CSMD3: variants seen among roughly 807,000 people sequenced by gnomAD.
The protein encoded by CSMD3 is CUB and sushi domain-containing protein 3.
A neutral mutation model predicts 435.2 loss-of-function variants in CSMD3; 177 were observed. The observed-to-expected ratio is 0.41, with a 90% CI of 0.36 to 0.46. The LOEUF is 0.46. CSMD3 is among the 20% of genes least tolerant of loss of function. CSMD3 has a pLI of 0.34. For missense variants in CSMD3, 4,265 were observed against 4,504.6 expected, an observed-to-expected ratio of 0.95 and a Z score of 1.52; for synonymous variants, 1,656 against 1,520.5, an observed-to-expected ratio of 1.09 and a Z score of -2.07.
chr8:112,548,387 C>T (rs1827378649), intron 27 of CSMD3, among the ~76,000 whole-genome samples: 1 of 151,988 alleles, frequency 6.6e-6, no homozygotes. Context: ...CTTTCTATTC[C>T]CCCTGGCATA....
intron 3 of CSMD3, among the ~76,000 whole-genome samples, chr8:113,234,669 T>A (rs576010471): frequency 3.9e-5 from 6 of 152,150 alleles, no homozygotes; most frequent in Admixed American, 6.6e-5. Context: ...TTTCTTTTAA[T>A]AACTTGAAGA....
chr8:112,327,302 T>A (rs116856662), intron 45 of CSMD3, among the ~76,000 whole-genome samples: 2,582 of 152,174 alleles, frequency 0.017, 29 homozygotes, highest in Middle Eastern at 0.048. Flanking sequence ...TACAAATATA[T>A]CCAATATTGT....
chr8:112,320,040 G>A (rs1015583307), intron 45 of CSMD3, 59 bp from the exon 46 acceptor site: 9 of 1,079,502 alleles, frequency 8.3e-6, no homozygotes, highest in Non-Finnish European at 9.9e-6. Context: ...ATTCACATAT[G>A]CAAAAAAACA....
At chr8:112,475,304 T>C (rs1485954064) in intron 31 of CSMD3, among the ~76,000 whole-genome samples, 1 of 152,140 alleles carries the variant, frequency 6.6e-6, no homozygotes, top group African/African-American at 2.4e-5. Context: ...ATAACTGACA[T>C]TTAGGACAGC....
In CSMD3 at chr8:112,503,779, T is replaced by C. The variant is rs774798712; in HGVS notation, c.5083+11A>G. On this transcript the variant is annotated intron_variant, in intron 30 of 70. Transcript: ENST00000297405. ...TAAATCATGATACTAACATGGAATGTTCATATTTACCTTTGTATTCTAGAT... is the reference window on the plus strand; with the variant it reads ...TAAATCATGATACTAACATGGAATGCTCATATTTACCTTTGTATTCTAGAT... The C allele has an allele frequency of 1.9e-6, 3 of 1,583,218 alleles. No homozygotes were observed. The highest frequency in any genetic ancestry group is 2.6e-6 in the Non-Finnish European group (3 of 1,153,198).
intron 10 of CSMD3, among the ~76,000 whole-genome samples, chr8:112,890,245 C>T (rs972687430): frequency 2.0e-5 from 3 of 151,574 alleles, no homozygotes; most frequent in Admixed American, 6.6e-5. Flanking sequence ...TTGCCACTAT[C>T]TAAGATAGAT....
intron 13 of CSMD3, among the ~76,000 whole-genome samples, chr8:112,761,212 A>G (rs992829146): frequency 6.6e-6 from 1 of 152,136 alleles, no homozygotes; most frequent in Non-Finnish European, 1.5e-5. Context: ...ATTTCTCATT[A>G]AACATGCCAC....
chr8:112,957,146 A>G (rs2084049900), intron 7 of CSMD3, among the ~76,000 whole-genome samples: 1 of 152,148 alleles, frequency 6.6e-6, no homozygotes. Flanking sequence ...ATTTAATATT[A>G]CAATATATAC....
At chr8:113,158,273 C>A (rs189133583) in intron 4 of CSMD3, among the ~76,000 whole-genome samples, 1 of 151,640 alleles carries the variant, frequency 6.6e-6, no homozygotes, top group Admixed American at 6.6e-5. Context: ...ACATCACTAA[C>A]GCTACCATGA....
chr8:112,854,218 C>T (rs2080580945), intron 11 of CSMD3, among the ~76,000 whole-genome samples: 1 of 151,888 alleles, frequency 6.6e-6, no homozygotes, highest in Non-Finnish European at 1.5e-5. Flanking sequence ...TAGACCTTGT[C>T]AGTGTAGTCA....
At position 112,639,048 on chromosome 8, in the gene CSMD3, C is replaced by G. The variant is rs893535922; in HGVS notation, c.3311-137G>C. 1.2e-5 allele frequency: 8 copies of G among 642,986 alleles called. No individual in the cohort carries two copies. The East Asian group carries it at 2.2e-4, about 18-fold the overall frequency. The allele number at this position is 642,986 out of a possible 1,614,324, so 39.8% of individuals were successfully genotyped here. On this transcript the variant is annotated intron_variant, in intron 20 of 70. Transcript: ENST00000297405. ...ATGAGAGGCATTGCTATAAAATATT[C>G]CAAATATATGTTATATTATTCTTTT...
chr8:113,221,869 T>C (rs934268572), intron 3 of CSMD3, among the ~76,000 whole-genome samples: 2 of 151,332 alleles, frequency 1.3e-5, no homozygotes, highest in East Asian at 3.9e-4. Context: ...ATGTTATATG[T>C]TTGCTGTTTA....
chr8:112,623,792 T>G (rs1834267536), intron 22 of CSMD3, among the ~76,000 whole-genome samples: 1 of 152,070 alleles, frequency 6.6e-6, no homozygotes, highest in African/African-American at 2.4e-5. Context: ...TCATTTGTCT[T>G]AAAGAAATTG....
At chr8:112,409,518 A>T (rs568388141) in intron 32 of CSMD3, among the ~76,000 whole-genome samples, 3 of 152,074 alleles carry the variant, frequency 2.0e-5, no homozygotes, top group Admixed American at 6.6e-5. Context: ...CATTAGAAAA[A>T]GATTAGCGAG....
rs1314986652 is a variant in CSMD3, at chr8:112,224,436, T to C, written c.*335A>G. On this transcript the variant is annotated 3_prime_UTR_variant, in exon 71 of 71. Coordinates refer to ENST00000297405, the MANE Select transcript of CSMD3 (RefSeq NM_198123.2). ...TCTTTTTTTTTAAACCCAGTCCCTC[T>C]AATATAGTTTATAAAGCACAGAAAT... 2 of 354,530 alleles carry C rather than the reference T, an allele frequency of 5.6e-6. No homozygotes were observed. Among genetic ancestry groups the C allele is most frequent in the South Asian group, 4.9e-5 (2 of 41,134 alleles). 22.0% of individuals were successfully genotyped at this position (354,530 alleles called of 1,614,324 possible). A position where few individuals can be genotyped will look rare whatever the true frequency, so the allele number is the denominator to read the frequency against.
chr8:112,653,118 T>A (rs2075169857), intron 18 of CSMD3, among the ~76,000 whole-genome samples: 2 of 152,160 alleles, frequency 1.3e-5, no homozygotes, highest in South Asian at 4.1e-4. Context: ...GCCCAGCTAG[T>A]TTTAGAAAAT....
At chr8:112,391,515 A>G (rs913199492) in intron 35 of CSMD3, among the ~76,000 whole-genome samples, 2 of 152,078 alleles carry the variant, frequency 1.3e-5, no homozygotes, top group African/African-American at 4.8e-5. Flanking sequence ...AATATGGTGA[A>G]ACCCCGTCTC....
rs2082607694 is a variant in CSMD3 at position 112,917,490 on chromosome 8, A to C, written c.1633+4137T>G. ...GTTTATTATTGAGACATTGGGATAA[A>C]CTTTTGGTACAAGTTAAAAAAAAAG... is the stretch of plus-strand genomic sequence containing the variant. On this transcript the variant is annotated intron_variant, in intron 10 of 70. Coordinates refer to ENST00000297405, the MANE Select transcript of CSMD3 (RefSeq NM_198123.2). Among the ~76,000 whole-genome samples the C allele has an allele frequency of 3.3e-5, 5 of 151,792 alleles. No homozygotes were observed. In the South Asian group the frequency reaches 1.0e-3, roughly 31 times the overall value.
intron 1 of CSMD3, among the ~76,000 whole-genome samples, chr8:113,420,964 C>T (rs1347591178): frequency 2.0e-5 from 3 of 150,882 alleles, no homozygotes; most frequent in Non-Finnish European, 3.0e-5. Context: ...AATTATAATA[C>T]GATGATGACT....
Sources: allele counts gnomAD v4.1 joint callset (sites outside exome capture counted in the v4.1 genomes callset), GRCh38; gene constraint gnomAD v4.1.1; transcripts MANE v1.5; gene names NCBI Gene and HGNC (gene_info 2026-07-23, HGNC 2026-07-21).